Variants in MEGF11 observed in about 807,000 individuals in gnomAD.
MEGF11 encodes multiple epidermal growth factor-like domains protein 11.
A neutral mutation model predicts 146.6 loss-of-function variants in MEGF11; 126 were observed. The observed-to-expected ratio is 0.86, with a 90% CI of 0.74 to 1.00. The LOEUF is 1.00. Ranked by LOEUF, MEGF11 falls within the 50% of genes least tolerant of loss-of-function variation. The pLI is 0.00. For missense variants in MEGF11, 1,509 were observed against 1,521.2 expected, an observed-to-expected ratio of 0.99 and a Z score of 0.13; for synonymous variants, 532 against 583.4, an observed-to-expected ratio of 0.91 and a Z score of 1.27.
At chr15:66,109,455 C>T (rs1360039681) in intron 4 of MEGF11, among the ~76,000 whole-genome samples, 2 of 152,226 alleles carry the variant, frequency 1.3e-5, no homozygotes, top group African/African-American at 4.8e-5. Flanking sequence ...CTAAGTTTTA[C>T]TGAGCTCTTC....
intron 2 of MEGF11, among the ~76,000 whole-genome samples, chr15:66,126,127 G>A (rs2088328595): frequency 6.6e-6 from 1 of 152,166 alleles, no homozygotes; most frequent in Admixed American, 6.5e-5. Context: ...TGGGTTTTAT[G>A]GTGGAGGGGC....
intron 5 of MEGF11, among the ~76,000 whole-genome samples, chr15:66,027,506 TC>T (rs1283484209): frequency 6.6e-6 from 1 of 152,174 alleles, no homozygotes; most frequent in East Asian, 1.9e-4. Flanking sequence ...CATGCATTCT[TC>T]CCGTTCACAA....
chr15:66,189,777 TA>T (rs2090819761), intron 1 of MEGF11, among the ~76,000 whole-genome samples: 1 of 152,052 alleles, frequency 6.6e-6, no homozygotes, highest in Non-Finnish European at 1.5e-5. Context: ...CCCTGGCACT[TA>T]GTAGTTGCTC....
intron 1 of MEGF11, among the ~76,000 whole-genome samples, chr15:66,238,138 A>G (rs2092134906): frequency 6.6e-6 from 1 of 152,136 alleles, no homozygotes; most frequent in South Asian, 2.1e-4. Flanking sequence ...CTGGGCTGCC[A>G]CCCAGCCAGG....
chr15:66,040,926 T>TTC lies in MEGF11; in HGVS notation c.394+53475_394+53476insGA, dbSNP rs1555464124. On this transcript the variant is annotated intron_variant, in intron 5 of 25. Transcript: ENST00000395614. ...CAGAGGAAGGGACTTTTTTTTTTTT[T>TTC]CCCCCCCGGTTTTCACAAAGAGGCC... is the stretch of plus-strand genomic sequence containing the variant. Among the ~76,000 whole-genome samples, 221 of 145,184 alleles carry TTC rather than the reference T, an allele frequency of 1.5e-3. 1 individual carries two copies. The highest frequency in any genetic ancestry group is 4.9e-3 in the African/African-American group (193 of 39,290).
At chr15:65,939,491 AC>A (rs2079904386) in intron 10 of MEGF11, among the ~76,000 whole-genome samples, 1 of 143,614 alleles carries the variant, frequency 7.0e-6, no homozygotes, top group Non-Finnish European at 1.5e-5. Context: ...TCAGCTCCCA[AC>A]TTTTTTTTTT....
chr15:65,898,695 G>T, intron 25 of MEGF11, 33 bp downstream of exon 25: 1 of 1,611,002 alleles, frequency 6.2e-7, no homozygotes, highest in Non-Finnish European at 8.5e-7. Context: ...CTATTGCCCT[G>T]ATTTCACTAA....
intron 1 of MEGF11, among the ~76,000 whole-genome samples, chr15:66,134,927 A>G (rs949326572): frequency 2.0e-4 from 30 of 151,868 alleles, no homozygotes; most frequent in African/African-American, 7.1e-4. Context: ...AAGACACACG[A>G]AAACTTGGTT....
intron 5 of MEGF11, among the ~76,000 whole-genome samples, chr15:65,998,121 C>A (rs1164828183): frequency 6.6e-6 from 1 of 152,100 alleles, no homozygotes; most frequent in Non-Finnish European, 1.5e-5. Flanking sequence ...ATTTTAAGAG[C>A]AATGGGAAGC....
intron 5 of MEGF11, among the ~76,000 whole-genome samples, chr15:66,038,417 G>A (rs2083809161): frequency 6.6e-6 from 1 of 152,168 alleles, no homozygotes; most frequent in Admixed American, 6.5e-5. Flanking sequence ...AGGGAGCGAT[G>A]CCCTAAAGTC....
chr15:66,184,928 C>T (rs945754520), intron 1 of MEGF11, among the ~76,000 whole-genome samples: 32 of 152,104 alleles, frequency 2.1e-4, no homozygotes, highest in African/African-American at 7.7e-4. Flanking sequence ...TTCCTAGAGC[C>T]ATATTCCTTT....
intron 7 of MEGF11, among the ~76,000 whole-genome samples, chr15:65,973,118 A>C (rs1297765993): frequency 1.3e-3 from 12 of 9,060 alleles, no homozygotes; most frequent in Non-Finnish European, 0.012. Context: ...ACTCTGTCTC[A>C]AAAAAAAAAA....
At chr15:65,930,522 C>G (rs1396232177) in intron 11 of MEGF11, among the ~76,000 whole-genome samples, 1 of 152,192 alleles carries the variant, frequency 6.6e-6, no homozygotes, top group Non-Finnish European at 1.5e-5. Context: ...TTCTTTTGTC[C>G]CTCCAACCCT....
chr15:66,008,969 G>A (rs1442238385), intron 5 of MEGF11, among the ~76,000 whole-genome samples: 1 of 152,136 alleles, frequency 6.6e-6, no homozygotes, highest in African/African-American at 2.4e-5. Flanking sequence ...CTAAATTTCT[G>A]TTCCAGCCTG....
chr15:65,997,891 G>A (rs190740149), intron 5 of MEGF11, among the ~76,000 whole-genome samples: 21 of 152,246 alleles, frequency 1.4e-4, no homozygotes, highest in African/African-American at 4.6e-4. Flanking sequence ...AAGGTGACCC[G>A]GACACTGAGA....
intron 5 of MEGF11, among the ~76,000 whole-genome samples, chr15:66,013,688 AC>A (rs2082783877): frequency 6.6e-6 from 1 of 152,146 alleles, no homozygotes; most frequent in South Asian, 2.1e-4. Flanking sequence ...AAAGAAGGAC[AC>A]CCAAGGGCCG....
intron 1 of MEGF11, among the ~76,000 whole-genome samples, chr15:66,221,060 A>G (rs1420504436): frequency 6.6e-6 from 1 of 152,176 alleles, no homozygotes; most frequent in Non-Finnish European, 1.5e-5. Flanking sequence ...AGGGTACCCA[A>G]GAACTCTCTA....
intron 12 of MEGF11, among the ~76,000 whole-genome samples, chr15:65,929,008 T>G (rs2079475816): frequency 1.3e-5 from 2 of 152,206 alleles, no homozygotes; most frequent in African/African-American, 2.4e-5. Flanking sequence ...ATATACTTAA[T>G]TTTTCTTAAT....
At position 66,030,993 on chromosome 15, in the gene MEGF11, T is replaced by G. The variant is rs899813405; in HGVS notation, c.395-48505A>C. Among the ~76,000 whole-genome samples the G allele has an allele frequency of 2.0e-5, 3 of 152,182 alleles. No homozygotes were observed. In the South Asian group the frequency reaches 6.2e-4, roughly 31 times the overall value. ...GTAGGATTTAGGTCCTGCCTGCACT[T>G]GCCCATTCTGTACCCAAACCCAAAC... On this transcript the variant is annotated intron_variant, in intron 5 of 25. Coordinates refer to ENST00000395614, the MANE Select transcript of MEGF11 (RefSeq NM_001385028.1).
Sources: allele counts gnomAD v4.1 joint callset (sites outside exome capture counted in the v4.1 genomes callset), GRCh38; gene constraint gnomAD v4.1.1; transcripts MANE v1.5; gene names NCBI Gene and HGNC (gene_info 2026-07-23, HGNC 2026-07-21).